Variants in PCDH15 observed in about 807,000 individuals in gnomAD.
The protein encoded by PCDH15 is protocadherin related 15, also known as protocadherin-15.
A neutral mutation model predicts 178.5 loss-of-function variants in PCDH15; 129 were observed. That is an observed-to-expected ratio of 0.72 (90% CI 0.63 to 0.84). The LOEUF (loss-of-function observed/expected upper bound fraction) is 0.84, where lower values mean the gene tolerates loss of function less well. PCDH15 is among the 40% of genes least tolerant of loss of function. The pLI is 0.00. For synonymous variants in PCDH15, 800 were observed against 732.0 expected (o/e 1.09, Z -1.50); for missense variants, 2,230 against 2,099.9 (o/e 1.06, Z -1.21).
At chr10:55,200,578 T>C (rs902762016) in intron 1 of PCDH15, among the ~76,000 whole-genome samples, 1 of 152,042 alleles carries the variant, frequency 6.6e-6, no homozygotes, top group Non-Finnish European at 1.5e-5. Flanking sequence ...AAGGCATGAA[T>C]GTGTTTTGAA....
chr10:54,537,667 A>G (rs2084731771), intron 2 of PCDH15, among the ~76,000 whole-genome samples: 1 of 152,190 alleles, frequency 6.6e-6, no homozygotes, highest in African/African-American at 2.4e-5. Flanking sequence ...AATTAAAACC[A>G]AAAACCATAA....
chr10:54,692,376 G>A lies in PCDH15; in HGVS notation c.-28-28086C>T, dbSNP rs145976098. 9.8e-3 allele frequency among the ~76,000 whole-genome samples: 1,496 copies of A among 152,226 alleles called. 24 individuals carry two copies. The highest frequency in any genetic ancestry group is 0.033 in the African/African-American group (1,387 of 41,550). ...AACTAGTATACGTTTGCTTCCAGCAGTATTTTGATTTTACTGCAATTCAGA... is the reference window on the plus strand; with the variant it reads ...AACTAGTATACGTTTGCTTCCAGCAATATTTTGATTTTACTGCAATTCAGA... On this transcript the variant is annotated intron_variant, in intron 1 of 37. Coordinates refer to ENST00000644397, the MANE Select transcript of PCDH15 (RefSeq NM_001384140.1).
Position 53,805,743 on chromosome 10 carries a change from T to G in PCDH15, c.*836A>C, listed in dbSNP as rs895235895. 6.6e-6 allele frequency: 1 copy of G among 152,148 alleles called. No individual in the cohort carries two copies. The highest frequency in any genetic ancestry group is 2.4e-5 in the African/African-American group (1 of 41,452). 9.4% of individuals were successfully genotyped at this position (152,148 alleles called of 1,614,324 possible). A position where few individuals can be genotyped will look rare whatever the true frequency, so the allele number is the denominator to read the frequency against. ...CTCACCATGTCTTCCATTATGAAATTGTCGTTCTAGATGCATTACTGCTTA... is the reference window on the plus strand; with the variant it reads ...CTCACCATGTCTTCCATTATGAAATGGTCGTTCTAGATGCATTACTGCTTA... On this transcript the variant is annotated 3_prime_UTR_variant, in exon 38 of 38. Coordinates refer to ENST00000644397, the MANE Select transcript of PCDH15 (RefSeq NM_001384140.1).
intron 2 of PCDH15, among the ~76,000 whole-genome samples, chr10:55,101,932 A>G (rs564646738): frequency 2.4e-4 from 37 of 151,850 alleles, no homozygotes; most frequent in African/African-American, 8.9e-4. Context: ...TTTTTAGGAT[A>G]TAATGTTTTA....
At chr10:54,529,275 C>T (rs918628527) in intron 2 of PCDH15, among the ~76,000 whole-genome samples, 5 of 152,018 alleles carry the variant, frequency 3.3e-5, no homozygotes, top group Non-Finnish European at 7.4e-5. Flanking sequence ...TCTAAAATAT[C>T]TCACACTCAT....
intron 2 of PCDH15, among the ~76,000 whole-genome samples, chr10:54,932,691 C>G (rs1389821553): frequency 1.3e-5 from 2 of 152,084 alleles, no homozygotes; most frequent in Admixed American, 1.3e-4. Flanking sequence ...CCTGTGCCAC[C>G]ATGCCCAGCT....
At chr10:55,553,586 G>A (rs1842038276) in intron 2 of PCDH15, among the ~76,000 whole-genome samples, 1 of 151,816 alleles carries the variant, frequency 6.6e-6, no homozygotes, top group Admixed American at 6.6e-5. Context: ...GTTGCAAGGA[G>A]ACTCTGAATT....
chr10:54,258,997 T>C (rs1162734613), intron 8 of PCDH15, among the ~76,000 whole-genome samples: 2 of 152,176 alleles, frequency 1.3e-5, no homozygotes, highest in African/African-American at 2.4e-5. Context: ...AACTGTCTTA[T>C]TCACTTCGAA....
intron 8 of PCDH15, among the ~76,000 whole-genome samples, chr10:54,264,357 C>T (rs2057530555): frequency 6.6e-6 from 1 of 152,056 alleles, no homozygotes; most frequent in African/African-American, 2.4e-5. Flanking sequence ...ATACAAAAAG[C>T]CAGAGTGTTT....
chr10:53,824,883 T>TA (rs1470871917), intron 32 of PCDH15, among the ~76,000 whole-genome samples: 1 of 152,062 alleles, frequency 6.6e-6, no homozygotes, highest in Non-Finnish European at 1.5e-5. Context: ...AAAACTAATT[T>TA]AAAAAAATTA....
At chr10:55,405,919 T>C (rs548445037) in intron 2 of PCDH15, among the ~76,000 whole-genome samples, 2 of 151,156 alleles carry the variant, frequency 1.3e-5, no homozygotes, top group African/African-American at 2.4e-5. Flanking sequence ...TTTAATAGGG[T>C]GTTCTAGTAG....
At chr10:55,159,197 TA>T (rs941605096) in intron 2 of PCDH15, among the ~76,000 whole-genome samples, 6 of 151,442 alleles carry the variant, frequency 4.0e-5, no homozygotes, top group African/African-American at 1.5e-4. Flanking sequence ...GCACCACTCA[TA>T]AAAAAAATTA....
At chr10:54,742,404 G>T (rs369971905) in intron 1 of PCDH15, among the ~76,000 whole-genome samples, 5 of 152,088 alleles carry the variant, frequency 3.3e-5, no homozygotes, top group African/African-American at 1.2e-4. Flanking sequence ...CAGCCTAGTT[G>T]TTACCCCTCA....
chr10:55,479,384 C>A (rs981531490), intron 2 of PCDH15, among the ~76,000 whole-genome samples: 8 of 151,504 alleles, frequency 5.3e-5, no homozygotes, highest in Non-Finnish European at 7.4e-5. Flanking sequence ...GAGTGAAGGA[C>A]AAAAACCATA....
chr10:55,138,732 T>A (rs1271858744), intron 2 of PCDH15, among the ~76,000 whole-genome samples: 1 of 152,076 alleles, frequency 6.6e-6, no homozygotes, highest in Admixed American at 6.6e-5. Context: ...CAACAAGATA[T>A]AAAATATTTT....
chr10:55,531,530 G>A (rs1234234052), intron 2 of PCDH15, among the ~76,000 whole-genome samples: 2 of 151,936 alleles, frequency 1.3e-5, no homozygotes, highest in African/African-American at 4.8e-5. Flanking sequence ...AACCAATTCT[G>A]AAAGCCACGC....
chr10:55,564,290 T>G (rs1842257320), intron 2 of PCDH15, among the ~76,000 whole-genome samples: 1 of 132,850 alleles, frequency 7.5e-6, no homozygotes, highest in African/African-American at 2.6e-5. Context: ...TTTTGTATAT[T>G]ATTGAGCTTT....
At chr10:54,277,561 T>C (rs534381573) in intron 8 of PCDH15, among the ~76,000 whole-genome samples, 1 of 151,822 alleles carries the variant, frequency 6.6e-6, no homozygotes, top group South Asian at 2.1e-4. Context: ...TGTGATATTA[T>C]ACTAAATGAT....
chr10:54,002,132 A>G (rs958782272), intron 20 of PCDH15, among the ~76,000 whole-genome samples: 6 of 150,536 alleles, frequency 4.0e-5, no homozygotes, highest in African/African-American at 7.3e-5. Context: ...GTGTGTGTGT[A>G]TATATATATA....
Sources: allele counts gnomAD v4.1 joint callset (sites outside exome capture counted in the v4.1 genomes callset), GRCh38; gene constraint gnomAD v4.1.1; transcripts MANE v1.5; gene names NCBI Gene and HGNC (gene_info 2026-07-23, HGNC 2026-07-21).